Variants in BAZ2B observed in about 807,000 individuals in gnomAD.
BAZ2B encodes bromodomain adjacent to zinc finger domain 2B, also known as bromodomain adjacent to zinc finger domain protein 2B.
BAZ2B carries 91 observed loss-of-function variants against 246.0 expected under a neutral mutation model. That is an observed-to-expected ratio of 0.37 (90% CI 0.31 to 0.44). BAZ2B has a LOEUF of 0.44. BAZ2B is among the 20% of genes least tolerant of loss of function. The probability of loss-of-function intolerance (pLI) is 1.00; values close to 1 mark genes in which losing one functional copy is unlikely to be tolerated. For missense variants in BAZ2B, 2,332 were observed against 2,533.7 expected (o/e 0.92, Z 1.71); for synonymous variants, 855 against 860.0 (o/e 0.99, Z 0.10).
chr2:159,454,607 T>C (rs1309881200), intron 3 of BAZ2B, among the ~76,000 whole-genome samples: 1 of 152,230 alleles, frequency 6.6e-6, no homozygotes, highest in African/African-American at 2.4e-5. Context: ...TACTGTCATA[T>C]ATGTGGTCAG....
chr2:159,445,531 C>T (rs989763768), intron 6 of BAZ2B, among the ~76,000 whole-genome samples: 2 of 152,150 alleles, frequency 1.3e-5, no homozygotes, highest in Non-Finnish European at 1.5e-5. Flanking sequence ...GTATCACAGT[C>T]AAGGCTGACA....
chr2:159,513,528 C>A (rs189816623), intron 2 of BAZ2B, among the ~76,000 whole-genome samples: 1 of 152,180 alleles, frequency 6.6e-6, no homozygotes, highest in South Asian at 2.1e-4. Context: ...TCATCCCACA[C>A]CTTCTCCACC....
chr2:159,563,983 C>A (rs796807250), intron 1 of BAZ2B, among the ~76,000 whole-genome samples: 1 of 152,084 alleles, frequency 6.6e-6, no homozygotes, highest in African/African-American at 2.4e-5. Flanking sequence ...CTGTGTTAGA[C>A]CTGGGAGTAT....
the BAZ2B span, among the ~76,000 whole-genome samples, chr2:159,683,906 A>T: frequency 3.3e-5 from 5 of 152,218 alleles, no homozygotes; most frequent in Non-Finnish European, 5.9e-5. Flanking sequence ...TTTATAAGGT[A>T]ACACTTTCAG....
At chr2:159,543,174 T>C (rs1456648346) in intron 2 of BAZ2B, among the ~76,000 whole-genome samples, 2 of 152,346 alleles carry the variant, frequency 1.3e-5, no homozygotes, top group East Asian at 1.9e-4. Flanking sequence ...TATCATTTTA[T>C]AGAGGTTCTA....
chr2:159,324,880 G>C lies in BAZ2B; in HGVS notation c.6284C>G (p.Pro2095Arg), dbSNP rs759922704. Reference protein sequence around the residue: ...FLLPVNLKLVPGYKKVIKKPM... With the variant: ...FLLPVNLKLVRGYKKVIKKPM... The stretch of plus-strand genomic sequence containing the variant: ...CTTCTTAATAACTTTCTTATAACCA[G>C]GAACAAGTTTCAAGTTTACAGGAAG... The change falls in exon 36 of 37, where the codon CCT becomes CGT. Residue 2095 changes from proline (P) to arginine (R), a missense_variant. Coordinates refer to ENST00000392783, the MANE Select transcript of BAZ2B (RefSeq NM_013450.4). 2 of 1,555,140 alleles carry C rather than the reference G, an allele frequency of 1.3e-6. No homozygotes were observed. Among genetic ancestry groups the C allele is most frequent in the Non-Finnish European group, 1.7e-6 (2 of 1,158,160 alleles).
chr2:159,324,785 T>C, intron 36 of BAZ2B, 26 bp downstream of exon 36: 1 of 1,429,352 alleles, frequency 7.0e-7, no homozygotes, highest in Non-Finnish European at 9.2e-7. Flanking sequence ...CAATAAATAT[T>C]TAGTGAACTG....
chr2:159,470,087 C>T (rs1272765416), intron 3 of BAZ2B, among the ~76,000 whole-genome samples: 1 of 152,146 alleles, frequency 6.6e-6, no homozygotes, highest in East Asian at 1.9e-4. Context: ...GAAAGGATAA[C>T]CCATCATAAC....
At chr2:159,510,981 A>C (rs2082861110) in intron 2 of BAZ2B, among the ~76,000 whole-genome samples, 1 of 152,186 alleles carries the variant, frequency 6.6e-6, no homozygotes. Flanking sequence ...TGGTTGCTCA[A>C]ATTATCAAAT....
At chr2:159,575,649 A>AG (rs1685117643) in intron 1 of BAZ2B, among the ~76,000 whole-genome samples, 1 of 152,192 alleles carries the variant, frequency 6.6e-6, no homozygotes, top group African/African-American at 2.4e-5. Flanking sequence ...TGGAGACCCT[A>AG]GATCACTCAC....
Position 159,349,769 on chromosome 2 carries a change from G to T in BAZ2B, c.4802C>A (p.Pro1601His), listed in dbSNP as rs2058362565. 7 of 1,614,008 alleles carry T rather than the reference G, an allele frequency of 4.3e-6. No homozygotes were observed. Among genetic ancestry groups the T allele is most frequent in the South Asian group, 3.3e-5 (3 of 91,090 alleles). Reference sequence around the variant, plus strand: ...AGGATTCTGAGCAGAAGATCCAAGAGGAGCTGGGGTAGGTGAAGGTGACTT... The same window carrying T: ...AGGATTCTGAGCAGAAGATCCAAGATGAGCTGGGGTAGGTGAAGGTGACTT... ...PSKSPSPTPA[P>H]LGSSAQNPVG... Residue 1601 changes from proline to histidine, a missense_variant, in exon 28 of 37, where the codon CCT (proline) becomes CAT (histidine). By Grantham distance (77) the Pro-to-His change is moderately conservative. Around this residue, in one of 9 missense-constraint regions of BAZ2B, gnomAD observed 676 missense variants for 668.6 expected, o/e 1.01. Transcript: ENST00000392783.
intron 20 of BAZ2B, among the ~76,000 whole-genome samples, chr2:159,390,910 A>G (rs1174132193): frequency 6.6e-6 from 1 of 152,206 alleles, no homozygotes; most frequent in Non-Finnish European, 1.5e-5. Flanking sequence ...GCAAAGTTCT[A>G]TAATTAATTT....
chr2:159,365,765 T>C (rs1484415301), intron 27 of BAZ2B, among the ~76,000 whole-genome samples: 1 of 152,234 alleles, frequency 6.6e-6, no homozygotes, highest in African/African-American at 2.4e-5. Flanking sequence ...GAACTTACTG[T>C]TGCAGAAAGA....
chr2:159,491,765 T>C (rs918426158), intron 2 of BAZ2B, among the ~76,000 whole-genome samples: 2 of 142,548 alleles, frequency 1.4e-5, no homozygotes, highest in Non-Finnish European at 3.1e-5. Flanking sequence ...TTAAAGGTTA[T>C]AGCATTTTAG....
intron 1 of BAZ2B, among the ~76,000 whole-genome samples, chr2:159,593,303 C>T (rs189749389): frequency 1.7e-3 from 260 of 152,238 alleles, no homozygotes; most frequent in Admixed American, 3.1e-3. Context: ...GAATGTACTT[C>T]TATGTATTCC....
the BAZ2B span, among the ~76,000 whole-genome samples, chr2:159,656,629 C>A: frequency 6.6e-6 from 1 of 152,036 alleles, no homozygotes; most frequent in Non-Finnish European, 1.5e-5. Context: ...CTTGGCAATA[C>A]GTGTTTAAGG....
At chr2:159,634,239 G>T in the BAZ2B span, among the ~76,000 whole-genome samples, 2 of 152,122 alleles carry the variant, frequency 1.3e-5, no homozygotes, top group South Asian at 4.1e-4. Context: ...TTCTATAGCT[G>T]CTGCTCTGTT....
At chr2:159,423,314 T>TAAACAAACAAACAAAC (rs60596753) in intron 13 of BAZ2B, among the ~76,000 whole-genome samples, 55,742 of 151,090 alleles carry the variant, frequency 0.37, 11,346 homozygotes, top group Non-Finnish European at 0.48. Flanking sequence ...AGACTCTATC[T>TAAACAAACAAACAAAC]AAACAAACAA....
At chr2:159,640,094 A>G in the BAZ2B span, among the ~76,000 whole-genome samples, 1 of 152,144 alleles carries the variant, frequency 6.6e-6, no homozygotes, top group Non-Finnish European at 1.5e-5. Context: ...AACAAAAACC[A>G]CAAGAAGAGA....
Sources: gnomAD v4.1 joint callset for allele counts (sites outside exome capture counted in the v4.1 genomes callset) on GRCh38, gnomAD v4.1.1 for gene constraint, gnomAD v4.1.1 regional missense constraint, MANE v1.5 for transcripts, NCBI Gene and HGNC (gene_info 2026-07-23, HGNC 2026-07-21) for gene names.